EPHA6: variants seen among roughly 807,000 people sequenced by gnomAD.
The protein encoded by EPHA6 is ephrin type-A receptor 6.
A neutral mutation model predicts 112.0 loss-of-function variants in EPHA6; 50 were observed. The ratio of observed to expected loss-of-function variants is 0.45; its 90% CI spans 0.36 to 0.56. EPHA6 has a LOEUF of 0.56. Ranked by LOEUF, EPHA6 falls within the 20% of genes least tolerant of loss-of-function variation. The pLI is 0.00. For synonymous variants in EPHA6, 529 were observed against 490.7 expected (o/e 1.08, Z -1.03); for missense variants, 1,280 against 1,417.4 (o/e 0.90, Z 1.56).
At chr3:97,251,462 G>A (rs890055809) in intron 5 of EPHA6, among the ~76,000 whole-genome samples, 4 of 151,898 alleles carry the variant, frequency 2.6e-5, no homozygotes, top group Admixed American at 6.6e-5. Flanking sequence ...CCCAGGAGGC[G>A]GAGCTTGCAG....
intron 10 of EPHA6, among the ~76,000 whole-genome samples, chr3:97,513,742 A>T (rs2092403171): frequency 6.6e-6 from 1 of 152,106 alleles, no homozygotes; most frequent in Non-Finnish European, 1.5e-5. Flanking sequence ...ACACAGGAGG[A>T]ATAAGTTGAG....
chr3:97,534,711 G>A (rs2092739835), intron 11 of EPHA6, among the ~76,000 whole-genome samples: 1 of 151,926 alleles, frequency 6.6e-6, no homozygotes, highest in Admixed American at 6.6e-5. Context: ...AGAGACAGAA[G>A]AAATAGATGT....
At chr3:97,522,229 G>T (rs2092554955) in intron 10 of EPHA6, among the ~76,000 whole-genome samples, 1 of 152,078 alleles carries the variant, frequency 6.6e-6, no homozygotes, top group African/African-American at 2.4e-5. Context: ...GTTAATTGTT[G>T]CTCCAAGATC....
chr3:96,937,421 G>A (rs1381916722), intron 2 of EPHA6, among the ~76,000 whole-genome samples: 1 of 151,120 alleles, frequency 6.6e-6, no homozygotes, highest in Non-Finnish European at 1.5e-5. Context: ...AGAAGTGTCT[G>A]TTCATATCCT....
chr3:97,466,355 C>A (rs1560039162), intron 7 of EPHA6: 2 of 1,607,332 alleles, frequency 1.2e-6, no homozygotes, highest in South Asian at 1.1e-5. Context: ...CCTGCATCGC[C>A]CTGCCCCATA....
At chr3:97,567,689 T>C (rs757496016) in intron 11 of EPHA6, among the ~76,000 whole-genome samples, 11 of 152,158 alleles carry the variant, frequency 7.2e-5, no homozygotes, top group Non-Finnish European at 1.5e-4. Flanking sequence ...GAGATTGGAC[T>C]GAATTATCCA....
chr3:97,009,562 G>T (rs923562907), intron 3 of EPHA6, among the ~76,000 whole-genome samples: 1 of 152,176 alleles, frequency 6.6e-6, no homozygotes. Flanking sequence ...CCCACTGCTG[G>T]TTGCTTCCTC....
At chr3:97,489,432 T>A (rs968616405) in intron 10 of EPHA6, among the ~76,000 whole-genome samples, 1 of 152,190 alleles carries the variant, frequency 6.6e-6, no homozygotes, top group Admixed American at 6.5e-5. Flanking sequence ...ACGCCTGTAA[T>A]CCCAGCATGT....
chr3:97,324,416 T>TCTTC (rs1491110648), intron 5 of EPHA6, among the ~76,000 whole-genome samples: 1 of 133,558 alleles, frequency 7.5e-6, no homozygotes, highest in Non-Finnish European at 1.6e-5. Flanking sequence ...TTTCTTTCTT[T>TCTTC]CTTTCTTTCT....
intron 4 of EPHA6, among the ~76,000 whole-genome samples, chr3:97,242,509 T>C (rs2078876589): frequency 1.3e-5 from 2 of 151,898 alleles, no homozygotes; most frequent in Admixed American, 1.3e-4. Flanking sequence ...GCAAACATTA[T>C]GATTTGAATT....
chr3:97,000,682 A>T (rs150830945), intron 3 of EPHA6, among the ~76,000 whole-genome samples: 2 of 151,900 alleles, frequency 1.3e-5, no homozygotes, highest in East Asian at 1.9e-4. Context: ...TAGAAATGAC[A>T]TGTATGTAAT....
chr3:97,073,735 G>A (rs1311965444), intron 3 of EPHA6, among the ~76,000 whole-genome samples: 5 of 151,878 alleles, frequency 3.3e-5, no homozygotes, highest in Admixed American at 6.6e-5. Context: ...TTGCAGAATA[G>A]CCTATGCATC....
intron 13 of EPHA6, among the ~76,000 whole-genome samples, chr3:97,613,419 C>T (rs1321666636): frequency 6.6e-6 from 1 of 152,102 alleles, no homozygotes; most frequent in Non-Finnish European, 1.5e-5. Flanking sequence ...AATGATTTCC[C>T]TTTGGTCTCC....
chr3:97,739,351 T>C (rs2035405650), intron 16 of EPHA6, among the ~76,000 whole-genome samples: 3 of 152,082 alleles, frequency 2.0e-5, no homozygotes, highest in South Asian at 2.1e-4. Context: ...TAGGTCCCCA[T>C]GGTTTTTATT....
At chr3:97,055,435 T>A (rs987202918) in intron 3 of EPHA6, among the ~76,000 whole-genome samples, 1 of 151,974 alleles carries the variant, frequency 6.6e-6, no homozygotes, top group Non-Finnish European at 1.5e-5. Context: ...GATTCATGAG[T>A]AGAAATGGTT....
At chr3:96,954,772 CCT>C (rs2041688564) in intron 2 of EPHA6, among the ~76,000 whole-genome samples, 1 of 117,068 alleles carries the variant, frequency 8.5e-6, no homozygotes, top group Admixed American at 9.6e-5. Context: ...TACTGGTGTG[CCT>C]TTTTTTTTTT....
intron 3 of EPHA6, among the ~76,000 whole-genome samples, chr3:97,129,752 G>T (rs1370184317): frequency 1.3e-5 from 2 of 152,108 alleles, no homozygotes; most frequent in Admixed American, 1.3e-4. Flanking sequence ...CAGGGTTGGG[G>T]AGTTGGTACA....
intron 3 of EPHA6, among the ~76,000 whole-genome samples, chr3:97,191,596 C>T (rs570561326): frequency 6.6e-6 from 1 of 152,044 alleles, no homozygotes; most frequent in Admixed American, 6.6e-5. Flanking sequence ...TCTGGCTTAT[C>T]TCATTTAACA....
At chr3:97,093,515 A>C (rs866516698) in intron 3 of EPHA6, among the ~76,000 whole-genome samples, 38 of 152,154 alleles carry the variant, frequency 2.5e-4, no homozygotes, top group Middle Eastern at 6.8e-3. Flanking sequence ...GTGTAACTGC[A>C]CTCCAGCCTG....
Sources: allele counts gnomAD v4.1 joint callset (sites outside exome capture counted in the v4.1 genomes callset), GRCh38; gene constraint gnomAD v4.1.1; transcripts MANE v1.5; gene names NCBI Gene and HGNC (gene_info 2026-07-23, HGNC 2026-07-21).